The following POLD4 variants were observed in gnomAD, a reference collection of about 807,000 sequenced individuals.
POLD4 encodes the protein DNA polymerase delta subunit 4.
A neutral mutation model predicts 16.5 loss-of-function variants in POLD4; 9 were observed. That is an observed-to-expected ratio of 0.55 (90% CI 0.33 to 0.95). The LOEUF (loss-of-function observed/expected upper bound fraction) is 0.95, where lower values mean the gene tolerates loss of function less well. Ranked by LOEUF, POLD4 falls within the 40% of genes least tolerant of loss-of-function variation. POLD4 has a pLI of 0.03. For missense variants in POLD4, 129 were observed against 139.7 expected (o/e 0.92, Z 0.39); for synonymous variants, 62 against 57.6 (o/e 1.08, Z -0.35).
At position 67,351,942 on chromosome 11, in the gene POLD4, G is replaced by T; in HGVS notation, c.*53C>A. ...CAATGGGCTCTCGCTTCTGTCCTGAGGTTCTTGGGTGGTGAGCAAGAGAGC... is the reference window on the plus strand; with the variant it reads ...CAATGGGCTCTCGCTTCTGTCCTGATGTTCTTGGGTGGTGAGCAAGAGAGC... On this transcript the variant is annotated 3_prime_UTR_variant, in exon 4 of 4. Transcript: ENST00000312419. This position sits in a 1 kb window ranked among gnomAD's most constrained non-coding sequence, Gnocchi z 4.8. The T allele has an allele frequency of 6.9e-7, 1 of 1,439,718 alleles. No individual in the cohort carries two copies. Among genetic ancestry groups the T allele is most frequent in the Non-Finnish European group, 9.3e-7 (1 of 1,069,962 alleles). The allele number at this position is 1,439,718 out of a possible 1,614,324, so 89.2% of individuals were successfully genotyped here.
rs1861926297 is a variant in POLD4 at position 67,353,533 on chromosome 11, A to G, written c.-134T>C. On this transcript the variant is annotated 5_prime_UTR_variant, in exon 1 of 4. Transcript: ENST00000312419. Reference sequence around the variant, plus strand: ...GCGGCGGGCAGACAAGATGACCCAGACAAACCGAGAGAGGAAGTCGCCGGG... The same window carrying G: ...GCGGCGGGCAGACAAGATGACCCAGGCAAACCGAGAGAGGAAGTCGCCGGG... 1.4e-6 allele frequency: 1 copy of G among 720,484 alleles called. No individual in the cohort carries two copies. Among genetic ancestry groups the G allele is most frequent in the Non-Finnish European group, 2.2e-6 (1 of 448,392 alleles). 44.6% of individuals were successfully genotyped at this position (720,484 alleles called of 1,614,324 possible). A position where few individuals can be genotyped will look rare whatever the true frequency, so the allele number is the denominator to read the frequency against.
intron 3 of POLD4, 46 bp from the exon 4 acceptor site, chr11:67,352,065 G>T: frequency 7.2e-7 from 1 of 1,393,212 alleles, no homozygotes. Context: ...GAGAGAGAGA[G>T]AGAGAAACAG....
Position 67,352,998 on chromosome 11 carries a change from C to A in POLD4, c.177G>T (p.Gly59=). Residue 59 remains glycine (G), a synonymous_variant, in exon 2 of 4, where the codon GGG becomes GGT. Coordinates refer to ENST00000312419, the MANE Select transcript of POLD4 (RefSeq NM_021173.5). ...LRQFDLAWQY[G]PCTGITRLQR... ...TGGGTGGGTTCTCACCGGTGCAGGG[C>A]CCGTACTGCCAGGCCAGGTCAAACT... 1 of 1,576,342 alleles carries A rather than the reference C, an allele frequency of 6.3e-7. No homozygotes were observed.
intron 3 of POLD4, 64 bp downstream of exon 3, chr11:67,352,627 G>T: frequency 1.6e-6 from 2 of 1,276,334 alleles, no homozygotes; most frequent in Non-Finnish European, 2.3e-6. Context: ...GGTCAGGACA[G>T]CAGGGTGACA....
chr11:67,352,513 A>G (rs1378743889), intron 3 of POLD4, 178 bp downstream of exon 3: 8 of 555,146 alleles, frequency 1.4e-5, no homozygotes, highest in African/African-American at 5.8e-5. Flanking sequence ...CTGTCTCAAA[A>G]AAAAAGAATT....
In POLD4 at chr11:67,353,501, C is replaced by G. The variant is rs1861925449; in HGVS notation, c.-102G>C. The G allele has an allele frequency of 9.7e-7, 1 of 1,026,460 alleles. No homozygotes were observed. The highest frequency in any genetic ancestry group is 1.5e-5 in the South Asian group (1 of 67,840). 63.6% of individuals were successfully genotyped at this position (1,026,460 alleles called of 1,614,324 possible). A position where few individuals can be genotyped will look rare whatever the true frequency, so the allele number is the denominator to read the frequency against. On this transcript the variant is annotated 5_prime_UTR_variant, in exon 1 of 4. Transcript: ENST00000312419. Reference sequence around the variant, plus strand: ...AGCTGCTGAGAGAGACAGACGGGGCCAGGCCAGCGGCGGGCAGACAAGATG... The same window carrying G: ...AGCTGCTGAGAGAGACAGACGGGGCGAGGCCAGCGGCGGGCAGACAAGATG...
chr11:67,352,963 T>C, intron 2 of POLD4, 25 bp downstream of exon 2: 5 of 1,525,838 alleles, frequency 3.3e-6, no homozygotes, highest in Non-Finnish European at 4.4e-6. Flanking sequence ...GAGAGGCGCC[T>C]CCGTGGGGCT....
In POLD4 at chr11:67,352,988, C is replaced by T. The variant is rs1423190208; in HGVS notation, c.187G>A (p.Gly63Arg). The change falls in exon 2 of 4, where the codon GGG becomes AGG. Residue 63 changes from glycine (G) to arginine (R), a missense_variant and splice_region_variant. Transcript: ENST00000312419. ...TCCGTGGGGCTGGGTGGGTTCTCAC[C>T]GGTGCAGGGCCCGTACTGCCAGGCC... Reference protein sequence around the residue: ...DLAWQYGPCTGITRLQRWCRA... With the variant: ...DLAWQYGPCTRITRLQRWCRA... The T allele has an allele frequency of 2.6e-6, 4 of 1,564,960 alleles. No individual in the cohort carries two copies. The highest frequency in any genetic ancestry group is 3.5e-6 in the Non-Finnish European group (4 of 1,154,198).
chr11:67,352,979 G>C lies in POLD4; in HGVS notation c.187+9C>G, dbSNP rs28364242. ...AGAGGCGCCTCCGTGGGGCTGGGTG[G>C]GTTCTCACCGGTGCAGGGCCCGTAC... is the stretch of plus-strand genomic sequence containing the variant. On this transcript the variant is annotated intron_variant, in intron 2 of 3. Transcript: ENST00000312419. 6.7e-4 allele frequency: 1,038 copies of C among 1,551,450 alleles called. 8 individuals are homozygous for C. The African/African-American group carries it at 0.012, about 18-fold the overall frequency.
In POLD4 at chr11:67,353,525, T is replaced by C; in HGVS notation, c.-126A>G. 1.3e-6 allele frequency: 1 copy of C among 770,772 alleles called. No individual in the cohort carries two copies. Among genetic ancestry groups the C allele is most frequent in the South Asian group, 1.8e-5 (1 of 55,852 alleles). The allele number at this position is 770,772 out of a possible 1,614,324, so 47.7% of individuals were successfully genotyped here. A position where few individuals can be genotyped will look rare whatever the true frequency, so the allele number is the denominator to read the frequency against. On this transcript the variant is annotated 5_prime_UTR_variant, in exon 1 of 4. Coordinates refer to ENST00000312419, the MANE Select transcript of POLD4 (RefSeq NM_021173.5). ...CCAGGCCAGCGGCGGGCAGACAAGA[T>C]GACCCAGACAAACCGAGAGAGGAAG...
rs1289912392 is a variant in POLD4 at position 67,350,780 on chromosome 11, G to T, written c.*1215C>A. 1 of 127,564 alleles carries T rather than the reference G, an allele frequency of 7.8e-6. No homozygotes were observed. Among genetic ancestry groups the T allele is most frequent in the East Asian group, 2.4e-4 (1 of 4,096 alleles). The allele number at this position is 127,564 out of a possible 1,614,324, so 7.9% of individuals were successfully genotyped here. On this transcript the variant is annotated 3_prime_UTR_variant, in exon 4 of 4. Coordinates refer to ENST00000312419, the MANE Select transcript of POLD4 (RefSeq NM_021173.5). Reference sequence around the variant, plus strand: ...AGCCACTGCGCCCAGCCTTTATTTTGTATTTTTTTATTTTTTGAGACGGGG... The same window carrying T: ...AGCCACTGCGCCCAGCCTTTATTTTTTATTTTTTTATTTTTTGAGACGGGG...
chr11:67,353,337 A>G lies in POLD4; in HGVS notation c.63T>C (p.Ala21=), dbSNP rs1861920667. 1.2e-6 allele frequency: 2 copies of G among 1,612,294 alleles called. No individual in the cohort carries two copies. The highest frequency in any genetic ancestry group is 1.7e-5 in the Admixed American group (1 of 59,972). The change falls in exon 1 of 4, where the codon GCT becomes GCC. Residue 21 remains alanine, a synonymous_variant. Transcript: ENST00000312419. ...GTGCCAGCTCCCCCTTGCTGTGCCC[A>G]GCGGGCCCCTCCCTCCTCTTCACAA... ...YPVVKRREGP[A]GHSKGELAPE... is the part of the protein sequence containing the mutation.
At position 67,353,034 on chromosome 11, in the gene POLD4, C is replaced by T. The variant is rs1211546766; in HGVS notation, c.141G>A (p.Glu47=). 4 of 1,590,972 alleles carry T rather than the reference C, an allele frequency of 2.5e-6. No individual in the cohort carries two copies. Among genetic ancestry groups the T allele is most frequent in the African/African-American group, 2.7e-5 (2 of 74,236 alleles). ...AGGCCAGGTCAAACTGCCTCAGCAG[C>T]TCCAGCTCCGCTTCCTCCTCGTCGC... ...QPRDEEEAEL[E]LLRQFDLAWQ... The change falls in exon 2 of 4, where the codon GAG becomes GAA. Residue 47 remains glutamate, a synonymous_variant. Transcript: ENST00000312419.
Position 67,351,290 on chromosome 11 carries a change from G to A in POLD4, c.*705C>T, listed in dbSNP as rs1211777776. Reference sequence around the variant, plus strand: ...AGGTGGGCACCGCTTAGCAAGGCAGGTGGCTGGCTAGTCAGGTAGGTTTTC... The same window carrying A: ...AGGTGGGCACCGCTTAGCAAGGCAGATGGCTGGCTAGTCAGGTAGGTTTTC... On this transcript the variant is annotated 3_prime_UTR_variant, in exon 4 of 4. Coordinates refer to ENST00000312419, the MANE Select transcript of POLD4 (RefSeq NM_021173.5). The surrounding 1 kb of genome is among the most constrained non-coding windows in gnomAD (Gnocchi z 4.8). The A allele has an allele frequency of 6.6e-6, 1 of 152,306 alleles. No homozygotes were observed. The highest frequency in any genetic ancestry group is 1.5e-5 in the Non-Finnish European group (1 of 68,106). 9.4% of individuals were successfully genotyped at this position (152,306 alleles called of 1,614,324 possible).
At chr11:67,352,824 T>A in intron 2 of POLD4, 22 bp from the exon 3 acceptor site, 5 of 1,576,084 alleles carry the variant, frequency 3.2e-6, no homozygotes, top group Non-Finnish European at 4.3e-6. Flanking sequence ...GGAAGAAGAC[T>A]CTGGAGACTT....
chr11:67,352,169 G>T, intron 3 of POLD4, 150 bp from the exon 4 acceptor site: 1 of 641,552 alleles, frequency 1.6e-6, no homozygotes. Context: ...TAAATAGATA[G>T]TTCCTTGGGT....
rs759817626 is a variant in POLD4 at position 67,352,682 on chromosome 11, GTCTC to G, written c.299+5_299+8del. 1.9e-6 allele frequency: 3 copies of G among 1,609,164 alleles called. No individual in the cohort carries two copies. The highest frequency in any genetic ancestry group is 2.5e-6 in the Non-Finnish European group (3 of 1,177,304). On this transcript the variant is annotated splice_donor_5th_base_variant and intron_variant, in intron 3 of 3. Transcript: ENST00000312419. ...GCTCCCCTGAAAGCCCTCCCGGCCTGTCTCTGACCTGCACTGGAAGCGGGGGTCT... is the reference window on the plus strand; with the variant it reads ...GCTCCCCTGAAAGCCCTCCCGGCCTGTGACCTGCACTGGAAGCGGGGGTCT...
rs778149868 is a variant in POLD4 at position 67,353,365 on chromosome 11, G to C, written c.35C>G (p.Pro12Arg). ...GRKRLITDSYPVVKRREGPAG... is the reference protein window; with the variant it reads ...GRKRLITDSYRVVKRREGPAG... ...GGGCCCCTCCCTCCTCTTCACAACC[G>C]GGTAGGAATCAGTGATGAGCCGCTT... The change falls in exon 1 of 4, where the codon CCG (proline) becomes CGG (arginine). Residue 12 changes from proline (P) to arginine (R), a missense_variant. By Grantham distance (103) the Pro-to-Arg change is moderately radical. Coordinates refer to ENST00000312419, the MANE Select transcript of POLD4 (RefSeq NM_021173.5). The C allele has an allele frequency of 1.2e-6, 2 of 1,612,390 alleles. No homozygotes were observed. Among genetic ancestry groups the C allele is most frequent in the Admixed American group, 3.3e-5 (2 of 60,014 alleles).
chr11:67,352,519 GAAT>G (rs1861892447), intron 3 of POLD4, 169 bp downstream of exon 3: 2 of 562,216 alleles, frequency 3.6e-6, no homozygotes, highest in Non-Finnish European at 6.3e-6. Flanking sequence ...CAAAAAAAAA[GAAT>G]TATTATAGTG....
Sources: gnomAD v4.1 joint callset for allele counts on GRCh38, gnomAD v4.1.1 for gene constraint, Gnocchi (gnomAD v3.1) non-coding constraint, MANE v1.5 for transcripts, NCBI Gene and HGNC (gene_info 2026-07-23, HGNC 2026-07-21) for gene names.